B4GALT6: variants seen among roughly 807,000 people sequenced by gnomAD.
B4GALT6 encodes the protein UDP-Gal:beta-GlcNAc beta-1,4-galactosyltransferase 6.
Under a neutral mutation model 46.3 loss-of-function variants are expected in B4GALT6, and 14 were observed. The observed-to-expected ratio is 0.30, with a 90% CI of 0.20 to 0.47. The LOEUF (loss-of-function observed/expected upper bound fraction) is 0.47, where lower values mean the gene tolerates loss of function less well. Ranked by LOEUF, B4GALT6 falls within the 20% of genes least tolerant of loss-of-function variation. The pLI, the probability that B4GALT6 is intolerant of heterozygous loss-of-function variation, is 0.99. For missense variants in B4GALT6, 386 were observed against 480.1 expected (o/e 0.80, Z 1.83); for synonymous variants, 168 against 162.0 (o/e 1.04, Z -0.28).
At chr18:31,693,207 G>A in the B4GALT6 span, among the ~76,000 whole-genome samples, 2 of 152,162 alleles carry the variant, frequency 1.3e-5, no homozygotes, top group Non-Finnish European at 2.9e-5. Context: ...GGAAGGAGAG[G>A]CTGAGGCAGA....
chr18:31,627,894 G>A (rs966868268), intron 6 of B4GALT6, among the ~76,000 whole-genome samples: 32 of 152,168 alleles, frequency 2.1e-4, no homozygotes, highest in Admixed American at 1.8e-3. Context: ...ATATTCCCAT[G>A]GACTGAAACA....
At chr18:31,692,313 T>C in the B4GALT6 span, among the ~76,000 whole-genome samples, 1 of 152,228 alleles carries the variant, frequency 6.6e-6, no homozygotes, top group Non-Finnish European at 1.5e-5. Context: ...TACCAATTTA[T>C]GCTCCCACCA....
the B4GALT6 span, among the ~76,000 whole-genome samples, chr18:31,695,645 C>G: frequency 6.6e-6 from 1 of 152,194 alleles, no homozygotes; most frequent in Non-Finnish European, 1.5e-5. Context: ...ATCTTACAGC[C>G]CTGAGCTGCC....
At chr18:31,671,647 G>A (rs146029101) in intron 1 of B4GALT6, among the ~76,000 whole-genome samples, 107 of 152,186 alleles carry the variant, frequency 7.0e-4, no homozygotes, top group African/African-American at 2.2e-3. Flanking sequence ...CCCTTTGTCC[G>A]ATGGATAGAT....
intron 1 of B4GALT6, among the ~76,000 whole-genome samples, chr18:31,668,667 C>A (rs1486176219): frequency 6.6e-6 from 1 of 151,988 alleles, no homozygotes; most frequent in East Asian, 1.9e-4. Context: ...ATATTAAGCC[C>A]TTAAAAGTTT....
chr18:31,642,846 G>T (rs576953069), intron 4 of B4GALT6, among the ~76,000 whole-genome samples: 8 of 152,222 alleles, frequency 5.3e-5, no homozygotes, highest in Non-Finnish European at 8.8e-5. Flanking sequence ...CACCACGCCC[G>T]GCTAATTTTT....
upstream of B4GALT6, among the ~76,000 whole-genome samples, chr18:31,690,364 C>A (rs2030067668): frequency 6.6e-6 from 1 of 151,984 alleles, no homozygotes; most frequent in Admixed American, 6.6e-5. Flanking sequence ...CTCCTGACCT[C>A]AGGTGATCCG....
At chr18:31,690,971 C>T in the B4GALT6 span, among the ~76,000 whole-genome samples, 1 of 151,928 alleles carries the variant, frequency 6.6e-6, no homozygotes, top group Non-Finnish European at 1.5e-5. Context: ...GGGAACACCA[C>T]ACACCGGAGC....
chr18:31,704,167 G>A, the B4GALT6 span, among the ~76,000 whole-genome samples: 1 of 150,994 alleles, frequency 6.6e-6, no homozygotes, highest in African/African-American at 2.4e-5. Flanking sequence ...AGGATATCTA[G>A]AAATAATATA....
At chr18:31,646,532 C>T (rs967076957) in intron 3 of B4GALT6, among the ~76,000 whole-genome samples, 3 of 152,188 alleles carry the variant, frequency 2.0e-5, no homozygotes, top group South Asian at 2.1e-4. Context: ...TAATGTCATC[C>T]GTTAACTTCC....
chr18:31,700,469 G>C, the B4GALT6 span, among the ~76,000 whole-genome samples: 14 of 95,972 alleles, frequency 1.5e-4, no homozygotes, highest in African/African-American at 8.3e-4. Context: ...GTGTGTGTGT[G>C]AGAGAGAGAC....
At chr18:31,639,637 G>A (rs1252189883) in intron 4 of B4GALT6, among the ~76,000 whole-genome samples, 3 of 152,152 alleles carry the variant, frequency 2.0e-5, no homozygotes, top group Non-Finnish European at 1.5e-5. Flanking sequence ...AAGAAAAGAT[G>A]ATGTAAGCAG....
At chr18:31,683,554 T>C (rs770832079) in intron 1 of B4GALT6, among the ~76,000 whole-genome samples, 10 of 152,164 alleles carry the variant, frequency 6.6e-5, no homozygotes, top group Non-Finnish European at 1.5e-4. Context: ...GGATATTTAA[T>C]AAAGAAGTTA....
chr18:31,685,332 G>A (rs1244541938), upstream of B4GALT6, among the ~76,000 whole-genome samples: 1 of 151,624 alleles, frequency 6.6e-6, no homozygotes, highest in Non-Finnish European at 1.5e-5. Flanking sequence ...CGGAAGAGCA[G>A]AGGCCGAGCG....
chr18:31,716,169 T>A, the B4GALT6 span, among the ~76,000 whole-genome samples: 1 of 152,176 alleles, frequency 6.6e-6, no homozygotes, highest in African/African-American at 2.4e-5. Context: ...AATTTTTTGT[T>A]AAAAGTATGG....
At position 31,666,304 on chromosome 18, in the gene B4GALT6, G is replaced by A. The variant is rs1195242041; in HGVS notation, c.184C>T (p.His62Tyr). The A allele has an allele frequency of 6.2e-7, 1 of 1,610,166 alleles. No homozygotes were observed. The highest frequency in any genetic ancestry group is 8.5e-7 in the Non-Finnish European group (1 of 1,177,976). The part of the protein sequence containing the change: ...MLRENVKTIG[H>Y]MIRLYTNKNS... ...TTATTTGTGTACAGCCTGATCATAT[G>A]ACCTATTGTTTTCACATTTTCTCTC... The change falls in exon 2 of 9, where the codon CAT (histidine) becomes TAT (tyrosine). Residue 62 changes from histidine (H) to tyrosine (Y), a missense_variant. Physicochemically the swap from His to Tyr is moderately conservative, Grantham distance 83. Around this residue, in one of 2 missense-constraint regions of B4GALT6, gnomAD observed 323 missense variants for 438.9 expected, o/e 0.74. Coordinates refer to ENST00000306851, the MANE Select transcript of B4GALT6 (RefSeq NM_004775.5).
chr18:31,663,104 C>A (rs1043504631), intron 2 of B4GALT6, among the ~76,000 whole-genome samples: 7 of 152,146 alleles, frequency 4.6e-5, no homozygotes, highest in African/African-American at 1.7e-4. Context: ...AAAAGGCAAA[C>A]AAAGAATGAA....
chr18:31,702,402 A>T, the B4GALT6 span, among the ~76,000 whole-genome samples: 1 of 152,248 alleles, frequency 6.6e-6, no homozygotes, highest in African/African-American at 2.4e-5. Flanking sequence ...AAGGGACAGA[A>T]TAAAGAAATT....
At chr18:31,650,791 C>T (rs571238582) in intron 3 of B4GALT6, among the ~76,000 whole-genome samples, 17 of 151,994 alleles carry the variant, frequency 1.1e-4, no homozygotes, top group South Asian at 8.3e-4. Flanking sequence ...TTTTTTGAGA[C>T]GGAGTCTCGC....
Sources: gnomAD v4.1 joint callset for allele counts (sites outside exome capture counted in the v4.1 genomes callset) on GRCh38, gnomAD v4.1.1 for gene constraint, gnomAD v4.1.1 regional missense constraint, MANE v1.5 for transcripts, NCBI Gene and HGNC (gene_info 2026-07-23, HGNC 2026-07-21) for gene names.